VASP: variants seen among roughly 807,000 people sequenced by gnomAD.
The protein encoded by VASP is vasodilator stimulated phosphoprotein.
In VASP, 27 loss-of-function variants were observed where a neutral mutation model predicts 54.4. The ratio of observed to expected loss-of-function variants is 0.50; its 90% CI spans 0.37 to 0.68. The LOEUF is 0.68. Among genes scored for constraint, VASP ranks in the 30% least tolerant of loss-of-function variants. VASP has a pLI of 0.00. For missense variants in VASP, 488 were observed against 528.3 expected (o/e 0.92, Z 0.75); for synonymous variants, 233 against 209.8 (o/e 1.11, Z -0.96).
chr19:45,511,493 AT>A (rs1177251714), intron 1 of VASP, among the ~76,000 whole-genome samples: 3 of 152,144 alleles, frequency 2.0e-5, no homozygotes, highest in Non-Finnish European at 4.4e-5. Context: ...TTCATCCGCC[AT>A]GTGCTAGAGT....
chr19:45,523,190 A>ATTTTTTTT lies in VASP; in HGVS notation c.821+395_821+402dup, dbSNP rs61288703. ...TGATTCTAGAACCACAATCTCTTGA[A>ATTTTTTTT]TTTTTTTTTTTTTTTTTTTTTTTTT... On this transcript the variant is annotated intron_variant, in intron 7 of 12. Transcript: ENST00000245932. Among the ~76,000 whole-genome samples, 137 of 74,718 alleles carry ATTTTTTTT rather than the reference A, an allele frequency of 1.8e-3. 16 individuals carry two copies. The highest frequency in any genetic ancestry group is 7.3e-3 in the East Asian group (16 of 2,188). 49.0% of individuals were successfully genotyped at this position (74,718 alleles called of 152,430 possible). A position where few individuals can be genotyped will look rare whatever the true frequency, so the allele number is the denominator to read the frequency against.
At chr19:45,508,119 T>TCCTCCCCCTCCCCCCAGACTTC (rs1968525360) in intron 1 of VASP, among the ~76,000 whole-genome samples, 1 of 151,788 alleles carries the variant, frequency 6.6e-6, no homozygotes, top group South Asian at 2.1e-4. Context: ...GCTCAGACTC[T>TCCTCCCCCTCCCCCCAGACTTC]CCTCCCCCTC....
rs963555971 is a variant in VASP at position 45,513,658 on chromosome 19, G to A, written c.6-4005G>A. Among the ~76,000 whole-genome samples the A allele has an allele frequency of 3.5e-4, 53 of 151,670 alleles. 1 individual carries two copies. Among genetic ancestry groups the A allele is most frequent in the Admixed American group, 3.0e-3 (46 of 15,226 alleles). On this transcript the variant is annotated intron_variant, in intron 1 of 12. Transcript: ENST00000245932. ...AATTTTTGTATTTTTAGTAGGCATA[G>A]GGTTTCACCATGTTGGCCAGGCTGG...
rs1163586409 is a variant in VASP at position 45,521,379 on chromosome 19, C to T, written c.401C>T (p.Ser134Phe). The T allele has an allele frequency of 3.2e-6, 5 of 1,577,582 alleles. No individual in the cohort carries two copies. Among genetic ancestry groups the T allele is most frequent in the Admixed American group, 1.8e-5 (1 of 54,190 alleles). The change falls in exon 4 of 13, where the codon TCC (serine) becomes TTC (phenylalanine). Residue 134 changes from serine to phenylalanine, a missense_variant. Ser to Phe is a radical substitution (Grantham distance 155). Around this residue, in one of 4 missense-constraint regions of VASP, gnomAD observed 226 missense variants for 196.0 expected, o/e 1.15. Transcript: ENST00000245932. The stretch of plus-strand genomic sequence containing the variant: ...ACCTGGTCGGTCCCGAACGGCCCCT[C>T]CCCGGAGGAGGTGGAGCAGCAGAAA... ...LPTWSVPNGPSPEEVEQQKRQ... is the reference protein window; with the variant it reads ...LPTWSVPNGPFPEEVEQQKRQ...
intron 3 of VASP, 60 bp from the exon 4 acceptor site, chr19:45,521,262 C>A: frequency 1.4e-6 from 2 of 1,477,786 alleles, no homozygotes; most frequent in Non-Finnish European, 1.8e-6. Context: ...GCAAGGGAAG[C>A]GCCAAGAGCT....
In VASP at chr19:45,524,690, G is replaced by GC. The variant is rs145523057; in HGVS notation, c.1047+31dup. 2,849 of 1,603,858 alleles carry GC rather than the reference G, an allele frequency of 1.8e-3. 70 individuals are homozygous for GC. In the East Asian group the frequency reaches 0.051, roughly 29 times the overall value. On this transcript the variant is annotated intron_variant, in intron 11 of 12. Transcript: ENST00000245932. ...CTTGGGGGGGAAGTTGGGGACCACA[G>GC]CAAGAGAGATCTAGGTCTGGCCCCT...
chr19:45,526,408 C>G lies in VASP; in HGVS notation c.*231C>G. ...CCCTTTTCTCCCTTTGGTCCTTCCC[C>G]TCTGCCATCCCCTTGGGGCCGGTCC... On this transcript the variant is annotated 3_prime_UTR_variant, in exon 13 of 13. Coordinates refer to ENST00000245932, the MANE Select transcript of VASP (RefSeq NM_003370.4). The G allele has an allele frequency of 2.0e-6, 1 of 506,678 alleles. No homozygotes were observed. The highest frequency in any genetic ancestry group is 3.4e-6 in the Non-Finnish European group (1 of 291,840). 31.4% of individuals were successfully genotyped at this position (506,678 alleles called of 1,614,324 possible). A position where few individuals can be genotyped will look rare whatever the true frequency, so the allele number is the denominator to read the frequency against.
chr19:45,518,062 C>A lies in VASP; in HGVS notation c.311C>A (p.Ala104Asp). Residue 104 changes from alanine to aspartate, a missense_variant, in exon 3 of 13, where the codon GCC (alanine) becomes GAC (aspartate). Coordinates refer to ENST00000245932, the MANE Select transcript of VASP (RefSeq NM_003370.4). Reference protein sequence around the residue: ...GSKEDAAQFAAGMASALEALE... With the variant: ...GSKEDAAQFADGMASALEALE... ...AAGGAGGATGCGGCCCAGTTTGCCG[C>A]CGGCATGGCCAGTGCCCTAGAGGCG... 1 of 1,613,766 alleles carries A rather than the reference C, an allele frequency of 6.2e-7. No individual in the cohort carries two copies. The highest frequency in any genetic ancestry group is 8.5e-7 in the Non-Finnish European group (1 of 1,179,992).
intron 10 of VASP, 21 bp downstream of exon 10, chr19:45,524,163 C>T: frequency 6.2e-7 from 1 of 1,612,648 alleles, no homozygotes; most frequent in Non-Finnish European, 8.5e-7. Context: ...GGTCCTGGGG[C>T]CCTTGGGGAG....
At chr19:45,521,744 G>A (rs1040765256) in intron 4 of VASP, among the ~76,000 whole-genome samples, 22 of 152,040 alleles carry the variant, frequency 1.4e-4, no homozygotes, top group African/African-American at 4.8e-4. Flanking sequence ...ACAAAAATTA[G>A]CCGGTCATGG....
In VASP at chr19:45,521,361, C is replaced by T. The variant is rs774254232; in HGVS notation, c.383C>T (p.Ser128Leu). 1.4e-5 allele frequency: 22 copies of T among 1,581,256 alleles called. No individual in the cohort carries two copies. The highest frequency in any genetic ancestry group is 6.9e-5 in the East Asian group (3 of 43,494). ...CCACCCCCAGCACTTCCCACCTGGT[C>T]GGTCCCGAACGGCCCCTCCCCGGAG... ...PPPPPALPTW[S>L]VPNGPSPEEV... The change falls in exon 4 of 13, where the codon TCG becomes TTG. Residue 128 changes from serine to leucine, a missense_variant. Ser to Leu is a moderately radical substitution (Grantham distance 145, BLOSUM62 -2). Coordinates refer to ENST00000245932, the MANE Select transcript of VASP (RefSeq NM_003370.4).
At chr19:45,516,126 G>C (rs1968695527) in intron 1 of VASP, among the ~76,000 whole-genome samples, 2 of 152,134 alleles carry the variant, frequency 1.3e-5, no homozygotes, top group South Asian at 4.1e-4. Flanking sequence ...GTTCCTTCAG[G>C]GTACCCCCAG....
At position 45,522,455 on chromosome 19, in the gene VASP, C is replaced by G. The variant is rs778461757; in HGVS notation, c.594C>G (p.His198Gln). 3.3e-6 allele frequency: 5 copies of G among 1,507,458 alleles called. No homozygotes were observed. The East Asian group carries it at 1.2e-4, about 37-fold the overall frequency. 93.4% of individuals were successfully genotyped at this position (1,507,458 alleles called of 1,614,324 possible). Residue 198 changes from histidine (H) to glutamine (Q), a missense_variant, in exon 6 of 13, where the codon CAC becomes CAG. By Grantham distance (24) the His-to-Gln change is conservative (BLOSUM62 0). Around this residue, in one of 4 missense-constraint regions of VASP, gnomAD observed 226 missense variants for 196.0 expected, o/e 1.15. Transcript: ENST00000245932. ...CTTCGGGGGTCCCAGCTGCAGCGCA[C>G]GGAGCAGGGGGAGGACCACCCCCTG... Reference protein sequence around the residue: ...LPPSGVPAAAHGAGGGPPPAP... With the variant: ...LPPSGVPAAAQGAGGGPPPAP...
At chr19:45,524,519 A>C (rs1449477453) in intron 10 of VASP, 51 bp from the exon 11 acceptor site, 1 of 1,552,172 alleles carries the variant, frequency 6.4e-7, no homozygotes. Flanking sequence ...GCGGGGAAGC[A>C]GGTCCTCTCT....
intron 3 of VASP, among the ~76,000 whole-genome samples, chr19:45,519,597 T>TG (rs1491120864): frequency 5.6e-5 from 3 of 53,272 alleles, no homozygotes; most frequent in African/African-American, 1.6e-4. Flanking sequence ...GCCCAGTTGC[T>TG]TTTTTTTTTT....
In VASP at chr19:45,524,294, C is replaced by T. The variant is rs1017126202; in HGVS notation, c.956+152C>T. The T allele has an allele frequency of 9.7e-5, 88 of 908,908 alleles. No homozygotes were observed. In the African/African-American group the frequency reaches 1.3e-3, roughly 13 times the overall value. 56.3% of individuals were successfully genotyped at this position (908,908 alleles called of 1,614,324 possible). On this transcript the variant is annotated intron_variant, in intron 10 of 12. Coordinates refer to ENST00000245932, the MANE Select transcript of VASP (RefSeq NM_003370.4). ...GCACTTACCTGTGGTCCCAGCTACTCAGGAGGCTGAGGTGGGAGGATTACT... is the reference window on the plus strand; with the variant it reads ...GCACTTACCTGTGGTCCCAGCTACTTAGGAGGCTGAGGTGGGAGGATTACT...
intron 1 of VASP, among the ~76,000 whole-genome samples, chr19:45,515,266 C>T (rs1189988601): frequency 6.6e-6 from 1 of 152,088 alleles, no homozygotes; most frequent in Non-Finnish European, 1.5e-5. Context: ...CCACCAACTT[C>T]CCCATTTCAG....
At chr19:45,518,598 C>G (rs1029241708) in intron 3 of VASP, among the ~76,000 whole-genome samples, 1 of 152,110 alleles carries the variant, frequency 6.6e-6, no homozygotes, top group Non-Finnish European at 1.5e-5. Context: ...CACGATTACT[C>G]AGGGATCAGT....
chr19:45,524,809 C>T (rs183008425), intron 11 of VASP, 149 bp downstream of exon 11: 45 of 702,778 alleles, frequency 6.4e-5, no homozygotes, highest in South Asian at 5.7e-4. Flanking sequence ...CAAGGATGAC[C>T]GAGACTCCAC....
Sources: allele counts gnomAD v4.1 joint callset (sites outside exome capture counted in the v4.1 genomes callset), GRCh38; gene constraint gnomAD v4.1.1; regional missense constraint gnomAD v4.1.1; transcripts MANE v1.5; gene names NCBI Gene and HGNC (gene_info 2026-07-23, HGNC 2026-07-21).